The following DHRS4L2 variants were observed in gnomAD, a reference collection of about 807,000 sequenced individuals.
The protein encoded by DHRS4L2 is dehydrogenase/reductase SDR family member 4-like 2.
DHRS4L2 carries 22 observed loss-of-function variants against 23.9 expected under a neutral mutation model. The ratio of observed to expected loss-of-function variants is 0.92; its 90% CI spans 0.66 to 1.31. The LOEUF (loss-of-function observed/expected upper bound fraction) is 1.31. DHRS4L2 is among the 40% of genes most tolerant of loss of function. DHRS4L2 has a pLI of 0.00. For synonymous variants in DHRS4L2, 141 were observed against 123.7 expected (o/e 1.14, Z -0.93); for missense variants, 385 against 303.3 (o/e 1.27, Z -2.00).
At chr14:23,987,164 T>A, upstream of DHRS4L2, 1 of 318,630 alleles carries the variant, frequency 3.1e-6, no homozygotes, top group Non-Finnish European at 6.2e-6. Context: ...AGAGTCTCCA[T>A]CTGTCGCTCA....
chr14:24,005,971 G>A lies in DHRS4L2; in HGVS notation c.*108G>A, dbSNP rs2034569510. The A allele has an allele frequency of 1.9e-6, 3 of 1,611,134 alleles. No individual in the cohort carries two copies. The highest frequency in any genetic ancestry group is 2.5e-6 in the Non-Finnish European group (3 of 1,179,034). ...CTACATCACTGGGGAAACAGTGGTG[G>A]TGGGTGGAGGAACCCCGTCCCGCCT... On this transcript the variant is annotated 3_prime_UTR_variant, in exon 8 of 8. Coordinates refer to ENST00000335125, the MANE Select transcript of DHRS4L2 (RefSeq NM_198083.4).
chr14:23,990,683 C>T (rs924112051), intron 2 of DHRS4L2: 1 of 1,100,056 alleles, frequency 9.1e-7, no homozygotes, highest in Non-Finnish European at 1.1e-6. Context: ...ACATTCCCCT[C>T]TTCTTCAGCT....
intron 1 of DHRS4L2, among the ~76,000 whole-genome samples, chr14:23,971,513 C>T (rs2033857431): frequency 6.6e-6 from 1 of 151,886 alleles, no homozygotes; most frequent in South Asian, 2.1e-4. Context: ...CAAAGATACT[C>T]CTTGAGAAGA....
Position 23,990,097 on chromosome 14 carries a change from C to G in DHRS4L2, c.129-85C>G, listed in dbSNP as rs540750390. On this transcript the variant is annotated intron_variant, in intron 1 of 7. Transcript: ENST00000335125. ...ATAGAGAAAGAGCCAGAATTCAAAC[C>G]CGGGCAGTCTTAACTTCAGAGCCCA... 6.4e-6 allele frequency: 10 copies of G among 1,566,878 alleles called. No individual in the cohort carries two copies. In the Admixed American group the frequency reaches 1.4e-4, roughly 22 times the overall value.
At chr14:23,985,739 G>A (rs1674872407), upstream of DHRS4L2, among the ~76,000 whole-genome samples, 1 of 151,432 alleles carries the variant, frequency 6.6e-6, no homozygotes, top group African/African-American at 2.4e-5. Context: ...TTGAGATGGA[G>A]TCGCTCCTTC....
intron 1 of DHRS4L2, among the ~76,000 whole-genome samples, chr14:23,976,555 A>G (rs1222852368): frequency 6.6e-6 from 1 of 151,848 alleles, no homozygotes; most frequent in Non-Finnish European, 1.5e-5. Context: ...GCCATTCCTC[A>G]AGGATCTAGA....
intron 1 of DHRS4L2, among the ~76,000 whole-genome samples, chr14:23,978,167 T>C (rs1263590247): frequency 6.6e-6 from 1 of 151,452 alleles, no homozygotes; most frequent in Non-Finnish European, 1.5e-5. Flanking sequence ...TTTAAAACTT[T>C]GGCCCAGCGT....
chr14:23,996,549 A>G (rs1594472434), intron 3 of DHRS4L2, among the ~76,000 whole-genome samples: 1 of 150,540 alleles, frequency 6.6e-6, no homozygotes, highest in East Asian at 2.0e-4. Context: ...CTCTTTCTTA[A>G]ACCATCTTTT....
chr14:23,982,166 G>A (rs1324464525), intron 1 of DHRS4L2, among the ~76,000 whole-genome samples: 2 of 151,680 alleles, frequency 1.3e-5, no homozygotes, highest in African/African-American at 2.4e-5. Context: ...AGTAACCAGC[G>A]TTGCAGGGCA....
At chr14:23,991,260 G>A (rs145810105) in intron 2 of DHRS4L2, among the ~76,000 whole-genome samples, 7,571 of 151,786 alleles carry the variant, frequency 0.05, 438 homozygotes, top group East Asian at 0.21. Context: ...CAGTCTGGCA[G>A]ACACTCAAAT....
chr14:23,974,321 AC>A (rs1443753864), intron 1 of DHRS4L2, among the ~76,000 whole-genome samples: 1 of 151,724 alleles, frequency 6.6e-6, no homozygotes, highest in African/African-American at 2.4e-5. Flanking sequence ...CAACACCCTA[AC>A]CTCAAAATTA....
chr14:23,983,597 C>T (rs2034089824), intron 1 of DHRS4L2, among the ~76,000 whole-genome samples: 1 of 151,624 alleles, frequency 6.6e-6, no homozygotes, highest in South Asian at 2.1e-4. Flanking sequence ...CTTATTGCAG[C>T]ACTGTTCACA....
upstream of DHRS4L2, among the ~76,000 whole-genome samples, chr14:23,986,518 AAAG>A (rs200315151): frequency 0.056 from 8,344 of 149,568 alleles, 360 homozygotes; most frequent in East Asian, 0.19. Context: ...AAAAAAAAAA[AAAG>A]AAAGAAAGAA....
At chr14:23,974,299 A>G (rs2033925166) in intron 1 of DHRS4L2, among the ~76,000 whole-genome samples, 1 of 151,826 alleles carries the variant, frequency 6.6e-6, no homozygotes, top group Non-Finnish European at 1.5e-5. Context: ...GAAAGCAGGA[A>G]AGATCTAAAA....
chr14:23,972,858 A>C (rs2033889502), intron 1 of DHRS4L2, among the ~76,000 whole-genome samples: 1 of 151,958 alleles, frequency 6.6e-6, no homozygotes, highest in South Asian at 2.1e-4. Flanking sequence ...CTACATCATA[A>C]TTCAGTTCAA....
At chr14:23,987,364 C>T (rs1052663612), upstream of DHRS4L2, 7 of 201,470 alleles carry the variant, frequency 3.5e-5, 1 homozygote, top group South Asian at 3.2e-4. Context: ...CTCCTGACCC[C>T]GTGATCCGCC....
chr14:23,986,441 G>C (rs1358443932), upstream of DHRS4L2, among the ~76,000 whole-genome samples: 1 of 150,648 alleles, frequency 6.6e-6, no homozygotes, highest in Non-Finnish European at 1.5e-5. Context: ...ACACCAACAT[G>C]GCACATGTGT....
intron 3 of DHRS4L2, among the ~76,000 whole-genome samples, chr14:23,996,509 C>T (rs1411500223): frequency 1.3e-5 from 2 of 150,972 alleles, no homozygotes; most frequent in Middle Eastern, 3.4e-3. Context: ...ACAAAACCTT[C>T]CTTCTTAGGA....
Position 23,977,713 on chromosome 14 carries a change from G to C in DHRS4L2, c.-176+7381G>C, listed in dbSNP as rs527795128. Among the ~76,000 whole-genome samples the C allele has an allele frequency of 1.1e-3, 161 of 151,630 alleles. 4 individuals carry two copies. The highest frequency in any genetic ancestry group is 1.7e-3 in the Non-Finnish European group (113 of 67,946). The stretch of plus-strand genomic sequence containing the variant: ...TCTTCTTCTGTACAATGACTAGAGA[G>C]AATTAAATGACATCATGGAAAAAAA... On this transcript the variant is annotated intron_variant, in intron 1 of 5. Coordinates refer to the DHRS4L2 transcript ENST00000534993.
Sources: gnomAD v4.1 joint callset for allele counts (sites outside exome capture counted in the v4.1 genomes callset) on GRCh38, gnomAD v4.1.1 for gene constraint, MANE v1.5 for transcripts, NCBI Gene and HGNC (gene_info 2026-07-23, HGNC 2026-07-21) for gene names.